Variants in MYLK observed in about 807,000 individuals in gnomAD.
The protein encoded by MYLK is myosin light chain kinase.
In MYLK, 106 loss-of-function variants were observed where a neutral mutation model predicts 203.4. The observed-to-expected ratio is 0.52, with a 90% CI of 0.45 to 0.61. MYLK has a LOEUF of 0.61. MYLK is among the 20% of genes least tolerant of loss of function. The pLI is 0.00. For synonymous variants in MYLK, 867 were observed against 959.5 expected, an observed-to-expected ratio of 0.90 and a Z score of 1.78; for missense variants, 2,072 against 2,442.3, an observed-to-expected ratio of 0.85 and a Z score of 3.20.
intron 2 of MYLK, among the ~76,000 whole-genome samples, chr3:123,832,223 C>G (rs2066352667): frequency 6.6e-6 from 1 of 152,200 alleles, no homozygotes; most frequent in African/African-American, 2.4e-5. Context: ...GCTCTGTTCC[C>G]CCAGCACCAC....
intron 2 of MYLK, among the ~76,000 whole-genome samples, chr3:123,843,104 C>T (rs2066632351): frequency 6.6e-6 from 1 of 152,198 alleles, no homozygotes. Flanking sequence ...AGACTCAACA[C>T]ACCCCTCACA....
At chr3:123,826,549 T>A (rs2066126536) in intron 3 of MYLK, among the ~76,000 whole-genome samples, 1 of 152,218 alleles carries the variant, frequency 6.6e-6, no homozygotes, top group South Asian at 2.1e-4. Context: ...CATCCTGTCC[T>A]GAGTCTGAAA....
chr3:123,763,117 A>G (rs1172804836), intron 4 of MYLK, among the ~76,000 whole-genome samples: 1 of 152,222 alleles, frequency 6.6e-6, no homozygotes, highest in Non-Finnish European at 1.5e-5. Flanking sequence ...GCCACATAGT[A>G]TATTACAATA....
chr3:123,768,802 A>T (rs982841784), intron 4 of MYLK, among the ~76,000 whole-genome samples: 6 of 152,212 alleles, frequency 3.9e-5, no homozygotes, highest in Non-Finnish European at 8.8e-5. Flanking sequence ...CATCTTCACC[A>T]TACACTGTCT....
chr3:123,616,775 C>G (rs2057522962), intron 33 of MYLK: 1 of 152,124 alleles, frequency 6.6e-6, no homozygotes. Flanking sequence ...CTCTCGCTCT[C>G]TCACTTGCCA....
chr3:123,644,784 T>G (rs1017314082), intron 27 of MYLK, among the ~76,000 whole-genome samples: 2 of 152,074 alleles, frequency 1.3e-5, no homozygotes, highest in Non-Finnish European at 2.9e-5. Flanking sequence ...TTCCTGAAAA[T>G]GGGGAGGAAC....
Position 123,701,481 on chromosome 3 carries a change from C to G in MYLK, c.2419G>C (p.Val807Leu). The G allele has an allele frequency of 1.2e-6, 2 of 1,614,060 alleles. No homozygotes were observed. The highest frequency in any genetic ancestry group is 4.5e-5 in the East Asian group (2 of 44,872). Residue 807 changes from valine to leucine, a missense_variant, in exon 17 of 34, where the codon GTG becomes CTG. Val to Leu is a conservative substitution (Grantham distance 32, BLOSUM62 1). Around this residue, in one of 3 missense-constraint regions of MYLK, gnomAD observed 865 missense variants for 1,016.0 expected, o/e 0.85. Transcript: ENST00000360304. ...KNRVGECSCQ[V>L]SLMLQNSSAR... ...GAGCTGTTCTGTAGCATCAGTGACACCTGGCAACTGCATTCGCCAACCCGG... is the reference window on the plus strand; with the variant it reads ...GAGCTGTTCTGTAGCATCAGTGACAGCTGGCAACTGCATTCGCCAACCCGG...
At chr3:123,769,339 G>A (rs973205729) in intron 4 of MYLK, among the ~76,000 whole-genome samples, 1 of 152,230 alleles carries the variant, frequency 6.6e-6, no homozygotes. Flanking sequence ...AATGGCTCAT[G>A]ACAATCTGAG....
intron 26 of MYLK, 102 bp from the exon 27 acceptor site, chr3:123,647,529 C>T (rs777956362): frequency 1.0e-6 from 1 of 980,072 alleles, no homozygotes; most frequent in Non-Finnish European, 1.6e-6. Context: ...TGGCCCACCT[C>T]CTTTTATAAG....
intron 2 of MYLK, among the ~76,000 whole-genome samples, chr3:123,856,622 T>C (rs2031399563): frequency 6.6e-6 from 1 of 152,202 alleles, no homozygotes; most frequent in Non-Finnish European, 1.5e-5. Context: ...AGGGCAATGT[T>C]ATCTTCATTT....
chr3:123,724,315 T>C (rs751387944), intron 12 of MYLK, among the ~76,000 whole-genome samples: 2 of 151,474 alleles, frequency 1.3e-5, no homozygotes, highest in Non-Finnish European at 2.9e-5. Flanking sequence ...AACAGCAGAG[T>C]TGAGAGTTGT....
intron 33 of MYLK, among the ~76,000 whole-genome samples, chr3:123,615,043 G>C (rs1051666286): frequency 6.6e-6 from 1 of 151,316 alleles, no homozygotes; most frequent in African/African-American, 2.4e-5. Flanking sequence ...TCAAACTCCT[G>C]GGCTCAAGTG....
chr3:123,678,825 G>C (rs1015002740), intron 20 of MYLK, among the ~76,000 whole-genome samples: 1 of 152,140 alleles, frequency 6.6e-6, no homozygotes, highest in African/African-American at 2.4e-5. Context: ...AAAATGCATA[G>C]AAAAAAGTCA....
intron 3 of MYLK, among the ~76,000 whole-genome samples, chr3:123,815,770 T>C (rs1391401151): frequency 6.6e-6 from 1 of 152,284 alleles, no homozygotes; most frequent in Non-Finnish European, 1.5e-5. Context: ...GGCTGTCCTC[T>C]AATCTCAGTT....
intron 31 of MYLK, 28 bp from the exon 32 acceptor site, chr3:123,620,364 C>A: frequency 6.2e-7 from 1 of 1,613,870 alleles, no homozygotes; most frequent in Non-Finnish European, 8.5e-7. Flanking sequence ...GGGTTGGACT[C>A]AGGCGTTGTC....
intron 20 of MYLK, among the ~76,000 whole-genome samples, chr3:123,668,792 T>C (rs1000152964): frequency 6.6e-5 from 10 of 152,166 alleles, no homozygotes; most frequent in Admixed American, 2.6e-4. Context: ...TCCCACCCCA[T>C]AGCACTTATC....
rs776913283 is a variant in MYLK at position 123,732,971 on chromosome 3, C to A, written c.1441G>T (p.Asp481Tyr). 5 of 1,614,206 alleles carry A rather than the reference C, an allele frequency of 3.1e-6. No homozygotes were observed. In the East Asian group the frequency reaches 8.9e-5, roughly 29 times the overall value. The change falls in exon 11 of 34, where the codon GAC (aspartate) becomes TAC (tyrosine). Residue 481 changes from aspartate to tyrosine, a missense_variant. Transcript: ENST00000360304. ...YLCLLKARTR[D>Y]SGTYSCTASN... Reference sequence around the variant, plus strand: ...GCAGTGCAGCTGTATGTCCCACTGTCCCTGGTCCGGGCTTTCAGCAGGCAG... The same window carrying A: ...GCAGTGCAGCTGTATGTCCCACTGTACCTGGTCCGGGCTTTCAGCAGGCAG...
intron 20 of MYLK, among the ~76,000 whole-genome samples, chr3:123,679,319 A>AAC (rs2060183060): frequency 1.3e-5 from 2 of 151,736 alleles, no homozygotes; most frequent in South Asian, 4.2e-4. Context: ...AAAAAAAAAA[A>AAC]AAACAAAACA....
intron 16 of MYLK, among the ~76,000 whole-genome samples, chr3:123,704,208 AGCAG>A (rs754947445): frequency 2.0e-5 from 3 of 152,266 alleles, no homozygotes; most frequent in Non-Finnish European, 4.4e-5. Context: ...GCAGGGCAAT[AGCAG>A]TAACTATTCC....
Sources: allele counts gnomAD v4.1 joint callset (sites outside exome capture counted in the v4.1 genomes callset), GRCh38; gene constraint gnomAD v4.1.1; regional missense constraint gnomAD v4.1.1; transcripts MANE v1.5; gene names NCBI Gene and HGNC (gene_info 2026-07-23, HGNC 2026-07-21).